Variants in TYW1 observed in about 807,000 individuals in gnomAD.
TYW1 encodes tRNA-yW synthesizing protein 1 homolog, also known as S-adenosyl-L-methionine-dependent tRNA 4-demethylwyosine synthase TYW1.
In TYW1, 46 loss-of-function variants were observed where a neutral mutation model predicts 96.2. The observed-to-expected ratio is 0.48, with a 90% CI of 0.38 to 0.61. The LOEUF is 0.61. TYW1 is among the 20% of genes least tolerant of loss of function. The pLI is 0.00. For synonymous variants in TYW1, 274 were observed against 323.0 expected (o/e 0.85, Z 1.63); for missense variants, 684 against 909.6 (o/e 0.75, Z 3.19).
At chr7:67,128,163 A>C (rs1452802051) in intron 13 of TYW1, among the ~76,000 whole-genome samples, 4 of 152,074 alleles carry the variant, frequency 2.6e-5, no homozygotes, top group Admixed American at 1.3e-4. Flanking sequence ...TCCTCTTGGT[A>C]TTCCTGTTAC....
At chr7:67,043,187 A>T (rs1253312276) in intron 7 of TYW1, among the ~76,000 whole-genome samples, 1 of 152,028 alleles carries the variant, frequency 6.6e-6, no homozygotes, top group Non-Finnish European at 1.5e-5. Flanking sequence ...TCAAGCCTGG[A>T]CTCCATCTGT....
chr7:67,114,206 G>A (rs1797518960), intron 12 of TYW1: 1 of 153,330 alleles, frequency 6.5e-6, no homozygotes, highest in Non-Finnish European at 1.5e-5. Flanking sequence ...AGAGATTTAG[G>A]TTTTAATATC....
intron 7 of TYW1, among the ~76,000 whole-genome samples, chr7:67,033,916 A>G (rs1444979813): frequency 2.0e-5 from 3 of 151,576 alleles, no homozygotes; most frequent in Admixed American, 6.6e-5. Context: ...GCTGGTCTTG[A>G]ACTCCTGACC....
At chr7:67,175,518 A>AT (rs1799645241) in intron 13 of TYW1, among the ~76,000 whole-genome samples, 1 of 152,238 alleles carries the variant, frequency 6.6e-6, no homozygotes, top group Non-Finnish European at 1.5e-5. Flanking sequence ...GACAAAAGCG[A>AT]TTTTTACTCA....
At chr7:67,009,197 G>A (rs1269124800) in intron 3 of TYW1, among the ~76,000 whole-genome samples, 2 of 151,890 alleles carry the variant, frequency 1.3e-5, no homozygotes, top group Non-Finnish European at 2.9e-5. Flanking sequence ...TTTTTATAAC[G>A]ATGAGGTCTC....
intron 13 of TYW1, among the ~76,000 whole-genome samples, chr7:67,129,407 T>A (rs1287916595): frequency 6.6e-6 from 1 of 152,208 alleles, no homozygotes; most frequent in Non-Finnish European, 1.5e-5. Flanking sequence ...AATTTTTATG[T>A]GTCAGACTTG....
At position 67,098,701 on chromosome 7, in the gene TYW1, A is replaced by G. The variant is rs751612602; in HGVS notation, c.1545A>G (p.Gln515=). 14 of 1,613,874 alleles carry G rather than the reference A, an allele frequency of 8.7e-6. 1 individual carries two copies. The South Asian group carries it at 1.4e-4, about 16-fold the overall frequency. ...CCAGCTTCCTGGTCACAAACGCACA[A>G]TTTCCTGCGGAAATCAGGTGAGTTC... The part of the protein sequence containing the change: ...KISSFLVTNA[Q]FPAEIRNLEP... Residue 515 remains glutamine, a synonymous_variant, in exon 12 of 16, where the codon CAA becomes CAG. Transcript: ENST00000359626.
chr7:67,158,527 A>G (rs1234811315), intron 13 of TYW1, among the ~76,000 whole-genome samples: 3 of 152,162 alleles, frequency 2.0e-5, no homozygotes, highest in African/African-American at 4.8e-5. Flanking sequence ...CCAGCCTTGC[A>G]TACCTGGAAT....
At chr7:67,208,643 T>A (rs539712222) in intron 15 of TYW1, among the ~76,000 whole-genome samples, 6 of 140,928 alleles carry the variant, frequency 4.3e-5, no homozygotes, top group Admixed American at 1.5e-4. Flanking sequence ...TGAGCCGAGA[T>A]CGCGCCACTG....
intron 13 of TYW1, among the ~76,000 whole-genome samples, chr7:67,162,313 CAAAAAAA>C (rs60661089): frequency 1.8e-4 from 18 of 102,166 alleles, no homozygotes; most frequent in African/African-American, 4.8e-4. Flanking sequence ...GACTCTGTCT[CAAAAAAA>C]AAAAAAAAAA....
chr7:67,083,036 G>GA (rs1397750875), intron 10 of TYW1, among the ~76,000 whole-genome samples: 1 of 152,164 alleles, frequency 6.6e-6, no homozygotes, highest in East Asian at 1.9e-4. Context: ...CCCTGTCAGT[G>GA]TGATTTCCAA....
rs1288741421 is a variant in TYW1, at chr7:67,212,381, T to G, written c.1977+17044T>G. 2.0e-5 allele frequency among the ~76,000 whole-genome samples: 3 copies of G among 152,108 alleles called. No homozygotes were observed. The East Asian group carries it at 5.8e-4, about 29-fold the overall frequency. ...TCCCATTGTGTGGATGTACCACAGT[T>G]GGTTTATTCATTCACCTATTGAAGG... On this transcript the variant is annotated intron_variant, in intron 15 of 15. Coordinates refer to ENST00000359626, the MANE Select transcript of TYW1 (RefSeq NM_018264.4).
intron 11 of TYW1, chr7:67,089,258 CAGT>C: frequency 1.5e-6 from 2 of 1,323,270 alleles, no homozygotes; most frequent in Non-Finnish European, 2.1e-6. Flanking sequence ...GGAACTCCCT[CAGT>C]GGGGTGGGGG....
At chr7:67,129,648 A>G (rs1798002952) in intron 13 of TYW1, among the ~76,000 whole-genome samples, 1 of 152,220 alleles carries the variant, frequency 6.6e-6, no homozygotes, top group Admixed American at 6.5e-5. Flanking sequence ...AGACACAGTG[A>G]TGACGTCCAA....
At position 67,017,948 on chromosome 7, in the gene TYW1, C is replaced by G; in HGVS notation, c.666C>G (p.His222Gln). The stretch of plus-strand genomic sequence containing the variant: ...ACTGCGACGTGGTTAAAAGCAAGCA[C>G]GGCAGCATTGAGGCCGACTTCAGAG... ...EGDCDVVKSK[H>Q]GSIEADFRAW... Residue 222 changes from histidine to glutamine, a missense_variant, in exon 6 of 16, where the codon CAC becomes CAG. By Grantham distance (24) the His-to-Gln change is conservative (BLOSUM62 0). Coordinates refer to ENST00000359626, the MANE Select transcript of TYW1 (RefSeq NM_018264.4). 1 of 1,614,132 alleles carries G rather than the reference C, an allele frequency of 6.2e-7. No homozygotes were observed. The highest frequency in any genetic ancestry group is 8.5e-7 in the Non-Finnish European group (1 of 1,180,032).
chr7:67,039,533 T>G (rs1253350744), intron 7 of TYW1, among the ~76,000 whole-genome samples: 2 of 152,088 alleles, frequency 1.3e-5, no homozygotes, highest in Non-Finnish European at 2.9e-5. Flanking sequence ...AACTTGGTGA[T>G]CTAAAGGTAC....
chr7:66,998,265 A>T, intron 2 of TYW1, 70 bp downstream of exon 2: 1 of 1,531,194 alleles, frequency 6.5e-7, no homozygotes, highest in Non-Finnish European at 8.7e-7. Context: ...TAAATACTAA[A>T]AGGAACCTTT....
At chr7:67,182,315 C>T (rs957432267) in intron 13 of TYW1, among the ~76,000 whole-genome samples, 6 of 152,172 alleles carry the variant, frequency 3.9e-5, no homozygotes, top group Non-Finnish European at 8.8e-5. Flanking sequence ...ATAATCCCAG[C>T]CCTTCGGAAG....
intron 13 of TYW1, among the ~76,000 whole-genome samples, chr7:67,172,046 A>G (rs923866960): frequency 1.3e-5 from 2 of 152,090 alleles, no homozygotes; most frequent in African/African-American, 4.8e-5. Context: ...GAGTGTTTAT[A>G]GTTTGCATGA....
Sources: gnomAD v4.1 joint callset for allele counts (sites outside exome capture counted in the v4.1 genomes callset) on GRCh38, gnomAD v4.1.1 for gene constraint, MANE v1.5 for transcripts, NCBI Gene and HGNC (gene_info 2026-07-23, HGNC 2026-07-21) for gene names.